Variants in GUCY1A2 observed in about 807,000 individuals in gnomAD.
GUCY1A2 encodes the protein guanylate cyclase 1 soluble subunit alpha 2, also known as guanylate cyclase soluble subunit alpha-2.
GUCY1A2 carries 27 observed loss-of-function variants against 63.5 expected under a neutral mutation model. The observed-to-expected ratio is 0.43, with a 90% confidence interval of 0.31 to 0.59. GUCY1A2 has a LOEUF of 0.59. Among genes scored for constraint, GUCY1A2 ranks in the 20% least tolerant of loss-of-function variants. GUCY1A2 has a pLI of 0.11. For synonymous variants in GUCY1A2, 364 were observed against 343.5 expected (o/e 1.06, Z -0.66); for missense variants, 768 against 913.3 (o/e 0.84, Z 2.05).
At chr11:106,866,613 T>A (rs1324055973) in intron 4 of GUCY1A2, among the ~76,000 whole-genome samples, 4 of 152,028 alleles carry the variant, frequency 2.6e-5, no homozygotes, top group Non-Finnish European at 5.9e-5. Context: ...TACCTTTTAT[T>A]TGGTCTGTGG....
intron 7 of GUCY1A2, among the ~76,000 whole-genome samples, chr11:106,706,953 C>A (rs1862925070): frequency 6.6e-6 from 1 of 152,032 alleles, no homozygotes; most frequent in Non-Finnish European, 1.5e-5. Context: ...TTAAAAGATG[C>A]AAATCCTCTT....
intron 6 of GUCY1A2, among the ~76,000 whole-genome samples, chr11:106,739,997 C>CTT (rs35005245): frequency 3.3e-4 from 43 of 129,860 alleles, no homozygotes; most frequent in East Asian, 4.3e-4. Flanking sequence ...TTGAGAGGCA[C>CTT]TTTTTTTTTT....
chr11:106,811,889 G>A (rs897226659), intron 4 of GUCY1A2, among the ~76,000 whole-genome samples: 12 of 151,944 alleles, frequency 7.9e-5, no homozygotes, highest in East Asian at 3.9e-4. Flanking sequence ...CTTTTCAAAC[G>A]TATCACAGTA....
rs146778183 is a variant in GUCY1A2, at chr11:106,764,405, T to G, written c.1836+12034A>C. 3.7e-4 allele frequency among the ~76,000 whole-genome samples: 56 copies of G among 152,226 alleles called. No homozygotes were observed. In the East Asian group the frequency reaches 6.6e-3, roughly 18 times the overall value. On this transcript the variant is annotated intron_variant, in intron 6 of 7. Transcript: ENST00000526355. ...CATGGACTTTGAAGTCAAACAGATT[T>G]GAATTCCAATTCCGAATCAATTCTT...
intron 1 of GUCY1A2, among the ~76,000 whole-genome samples, chr11:107,008,278 CAA>C (rs60060457): frequency 4.2e-5 from 4 of 95,482 alleles, no homozygotes; most frequent in Middle Eastern, 4.4e-3. Flanking sequence ...GACTCCATCT[CAA>C]AAAAAAAAAA....
At chr11:106,778,910 G>A (rs901889125) in intron 5 of GUCY1A2, among the ~76,000 whole-genome samples, 4 of 148,422 alleles carry the variant, frequency 2.7e-5, no homozygotes, top group East Asian at 2.0e-4. Flanking sequence ...AAAAATATGC[G>A]TCAGTGATGG....
chr11:106,730,774 AGCTGT>A (rs1863489946), intron 6 of GUCY1A2, among the ~76,000 whole-genome samples: 1 of 152,080 alleles, frequency 6.6e-6, no homozygotes, highest in African/African-American at 2.4e-5. Flanking sequence ...CCTCGCCAGT[AGCTGT>A]TATTTTTTGA....
chr11:106,927,741 T>A (rs193140051), intron 4 of GUCY1A2, among the ~76,000 whole-genome samples: 38 of 151,626 alleles, frequency 2.5e-4, no homozygotes, highest in South Asian at 1.5e-3. Flanking sequence ...ATTTTTTTTT[T>A]AAATATATTT....
intron 5 of GUCY1A2, among the ~76,000 whole-genome samples, chr11:106,801,295 G>A (rs1858599176): frequency 6.6e-6 from 1 of 152,022 alleles, no homozygotes; most frequent in Admixed American, 6.6e-5. Context: ...TTGGCTCATA[G>A]TTCTTTTCAG....
chr11:106,890,769 C>A (rs958238318), intron 4 of GUCY1A2, among the ~76,000 whole-genome samples: 1 of 152,108 alleles, frequency 6.6e-6, no homozygotes, highest in Non-Finnish European at 1.5e-5. Flanking sequence ...AAACATTAGA[C>A]TTCTATTCAA....
chr11:106,986,477 G>A (rs1263917950), intron 1 of GUCY1A2, among the ~76,000 whole-genome samples: 2 of 152,130 alleles, frequency 1.3e-5, no homozygotes, highest in Non-Finnish European at 2.9e-5. Context: ...AGAAACATGA[G>A]TCACGGTTTT....
rs1261731462 is a variant in GUCY1A2 at position 106,681,599 on chromosome 11, G to C, written c.*5950C>G. On this transcript the variant is annotated 3_prime_UTR_variant, in exon 8 of 8. Transcript: ENST00000526355. ...GCATGTTTGCAAATGAATAACTTCTGAGATAGATTAAACATGTCATTTGCC... is the reference window on the plus strand; with the variant it reads ...GCATGTTTGCAAATGAATAACTTCTCAGATAGATTAAACATGTCATTTGCC... The C allele has an allele frequency of 9.0e-6, 2 of 223,178 alleles. No homozygotes were observed. The highest frequency in any genetic ancestry group is 1.1e-4 in the Admixed American group (2 of 17,394). The allele number at this position is 223,178 out of a possible 1,614,324, so 13.8% of individuals were successfully genotyped here.
In GUCY1A2 at chr11:106,963,861, A is replaced by C. The variant is rs111977050; in HGVS notation, c.487+14758T>G. Among the ~76,000 whole-genome samples, 972 of 152,302 alleles carry C rather than the reference A, an allele frequency of 6.4e-3. 12 individuals are homozygous for C. The highest frequency in any genetic ancestry group is 0.023 in the African/African-American group (939 of 41,562). ...AACAAAGTTCCTTTGGACTTATAAT[A>C]TATTTTAACTTTATTCAATCATTTT... is the stretch of plus-strand genomic sequence containing the variant. On this transcript the variant is annotated intron_variant, in intron 3 of 7. Coordinates refer to ENST00000526355, the MANE Select transcript of GUCY1A2 (RefSeq NM_000855.3).
In GUCY1A2 at chr11:106,868,271, T is replaced by G. The variant is rs1239812501; in HGVS notation, c.1207-57793A>C. Among the ~76,000 whole-genome samples the G allele has an allele frequency of 2.0e-5, 3 of 151,996 alleles. No homozygotes were observed. In the South Asian group the frequency reaches 6.2e-4, roughly 31 times the overall value. On this transcript the variant is annotated intron_variant, in intron 4 of 7. Transcript: ENST00000526355. ...ATTAAGGAAAAGTGTGTCTCACATA[T>G]TCAACCTAATAAGCAATGCAGTTAG...
intron 4 of GUCY1A2, among the ~76,000 whole-genome samples, chr11:106,844,796 T>C (rs1026098836): frequency 6.6e-6 from 1 of 151,740 alleles, no homozygotes; most frequent in African/African-American, 2.4e-5. Flanking sequence ...GAAGGGCTTA[T>C]TATGCTATAA....
intron 4 of GUCY1A2, among the ~76,000 whole-genome samples, chr11:106,881,876 A>G (rs557556866): frequency 3.9e-5 from 6 of 152,104 alleles, no homozygotes; most frequent in Non-Finnish European, 8.8e-5. Context: ...ATATTATTAT[A>G]GAATTCATAC....
chr11:106,743,610 G>A (rs1479639951), intron 6 of GUCY1A2, among the ~76,000 whole-genome samples: 1 of 152,110 alleles, frequency 6.6e-6, no homozygotes, highest in Non-Finnish European at 1.5e-5. Flanking sequence ...GCGGGATTGG[G>A]ACCTCCTTTA....
chr11:106,964,661 A>T (rs1005526519), intron 3 of GUCY1A2, among the ~76,000 whole-genome samples: 1 of 152,210 alleles, frequency 6.6e-6, no homozygotes, highest in Non-Finnish European at 1.5e-5. Context: ...ACAGACACAG[A>T]ATAATCATTG....
intron 4 of GUCY1A2, among the ~76,000 whole-genome samples, chr11:106,835,184 A>G (rs1859100758): frequency 1.3e-5 from 2 of 151,922 alleles, no homozygotes; most frequent in African/African-American, 4.8e-5. Flanking sequence ...GTAAAGAATG[A>G]CATCACAAAA....
Sources: gnomAD v4.1 joint callset for allele counts (sites outside exome capture counted in the v4.1 genomes callset) on GRCh38, gnomAD v4.1.1 for gene constraint, MANE v1.5 for transcripts, NCBI Gene and HGNC (gene_info 2026-07-23, HGNC 2026-07-21) for gene names.